The following PIMREG variants were observed in gnomAD, a reference collection of about 807,000 sequenced individuals.
PIMREG encodes the protein protein PIMREG.
In PIMREG, 19 loss-of-function variants were observed where a neutral mutation model predicts 24.3. The observed-to-expected ratio is 0.78, with a 90% CI of 0.54 to 1.15. The LOEUF (loss-of-function observed/expected upper bound fraction) is 1.15. Ranked by LOEUF, PIMREG falls within the 50% of genes most tolerant of loss-of-function variation. The probability of loss-of-function intolerance (pLI) is 0.00; values close to 1 mark genes in which losing one functional copy is unlikely to be tolerated. For missense variants in PIMREG, 283 were observed against 306.8 expected, an observed-to-expected ratio of 0.92 and a Z score of 0.58; for synonymous variants, 112 against 124.1, an observed-to-expected ratio of 0.90 and a Z score of 0.65.
rs527253303 is a variant in PIMREG at position 6,446,173 on chromosome 17, G to A, written c.294+769G>A. The A allele has an allele frequency of 2.6e-4, 105 of 401,244 alleles. No individual in the cohort carries two copies. In the South Asian group the frequency reaches 0.01, roughly 39 times the overall value. 24.9% of individuals were successfully genotyped at this position (401,244 alleles called of 1,614,324 possible). A position where few individuals can be genotyped will look rare whatever the true frequency, so the allele number is the denominator to read the frequency against. ...AAATGAGAGCTGCTGTCAGGAAGACGTCCTTATATTGGATGTAAGTGTCTG... is the reference window on the plus strand; with the variant it reads ...AAATGAGAGCTGCTGTCAGGAAGACATCCTTATATTGGATGTAAGTGTCTG... On this transcript the variant is annotated intron_variant, in intron 2 of 5. Transcript: ENST00000572447.
rs748326651 is a variant in PIMREG, at chr17:6,449,347, G to T, written c.626G>T (p.Gly209Val). 1 of 1,613,384 alleles carries T rather than the reference G, an allele frequency of 6.2e-7. No individual in the cohort carries two copies. ...SDSDLEPVGA[G>V]IQHLQKLSQE... ...AGTGACCTAGAGCCTGTGGGGGCGG[G>T]AATTCAGCATCTCCAGAAGCTGTCC... Residue 209 changes from glycine to valine, a missense_variant, in exon 4 of 6, where the codon GGA becomes GTA. Transcript: ENST00000572447.
At chr17:6,448,301 A>AAAAAAAAAAAAAAAAAG (rs1259419657) in intron 3 of PIMREG, among the ~76,000 whole-genome samples, 16 of 149,212 alleles carry the variant, frequency 1.1e-4, no homozygotes, top group African/African-American at 1.5e-4. Flanking sequence ...AAAAAAAAAA[A>AAAAAAAAAAAAAAAAAG]AGAGAGAGAG....
intron 4 of PIMREG, 57 bp downstream of exon 4, chr17:6,449,464 C>G: frequency 6.7e-7 from 1 of 1,503,424 alleles, no homozygotes; most frequent in East Asian, 2.3e-5. Flanking sequence ...CTCCAGCCAT[C>G]TTTGTAGGCA....
At chr17:6,449,251 G>C in intron 3 of PIMREG, 61 bp from the exon 4 acceptor site, 1 of 1,458,556 alleles carries the variant, frequency 6.9e-7, no homozygotes, top group Non-Finnish European at 9.4e-7. Flanking sequence ...GTACCGGGTT[G>C]CAAGGGTCTC....
At chr17:6,449,206 C>T (rs1410254564) in intron 3 of PIMREG, 106 bp from the exon 4 acceptor site, 29 of 891,468 alleles carry the variant, frequency 3.3e-5, no homozygotes, top group East Asian at 5.3e-5. Flanking sequence ...AAGCCCAGCC[C>T]GCCAGGGTCA....
rs1354825594 is a variant in PIMREG at position 6,444,786 on chromosome 17, A to T, written c.-35-290A>T. Among the ~76,000 whole-genome samples, 1 of 151,914 alleles carries T rather than the reference A, an allele frequency of 6.6e-6. No homozygotes were observed. Among genetic ancestry groups the T allele is most frequent in the Non-Finnish European group, 1.5e-5 (1 of 67,986 alleles). ...CTGGGCCCAGCGCTGAAGCTCGGCT[A>T]CGGCGTGTCTTGACCCTGCCTCCCC... On this transcript the variant is annotated intron_variant, in intron 1 of 5. Coordinates refer to ENST00000572447, the MANE Select transcript of PIMREG (RefSeq NM_019013.3). This position sits in a 1 kb window ranked among gnomAD's most constrained non-coding sequence, Gnocchi z 4.3.
At chr17:6,449,637 C>T in intron 4 of PIMREG, 4 of 1,314,120 alleles carry the variant, frequency 3.0e-6, no homozygotes, top group South Asian at 3.8e-5. Context: ...GCCTTGGGAC[C>T]CCATGTTTGT....
chr17:6,448,257 A>C (rs1267330838), intron 3 of PIMREG, among the ~76,000 whole-genome samples: 1 of 135,690 alleles, frequency 7.4e-6, no homozygotes, highest in Admixed American at 7.8e-5. Context: ...CACTCCAGCC[A>C]GGGCCACAGA....
chr17:6,448,825 G>A (rs1339415245), intron 3 of PIMREG, among the ~76,000 whole-genome samples: 2 of 152,070 alleles, frequency 1.3e-5, no homozygotes, highest in Non-Finnish European at 2.9e-5. Flanking sequence ...CAGGATGCAT[G>A]TAAGTGACCA....
intron 3 of PIMREG, 27 bp downstream of exon 3, chr17:6,447,785 G>A (rs902890418): frequency 1.3e-6 from 2 of 1,562,990 alleles, no homozygotes; most frequent in African/African-American, 2.7e-5. Context: ...TTCACCCCGG[G>A]GCTGGTGGCC....
At chr17:6,449,544 C>A in intron 4 of PIMREG, 137 bp downstream of exon 4, 1 of 1,006,264 alleles carries the variant, frequency 9.9e-7, no homozygotes, top group Non-Finnish European at 1.4e-6. Context: ...CCTCAGTCTC[C>A]CTCATCTCAA....
At chr17:6,449,871 G>A (rs1205521254) in intron 4 of PIMREG, 157 bp from the exon 5 acceptor site, 2 of 1,376,026 alleles carry the variant, frequency 1.5e-6, no homozygotes, top group South Asian at 1.4e-5. Flanking sequence ...TTGTATAATG[G>A]CCATGATGGG....
chr17:6,450,632 T>C lies in PIMREG; in HGVS notation c.*285T>C. 2 of 503,444 alleles carry C rather than the reference T, an allele frequency of 4.0e-6. No individual in the cohort carries two copies. Among genetic ancestry groups the C allele is most frequent in the Non-Finnish European group, 3.5e-6 (1 of 286,370 alleles). 31.2% of individuals were successfully genotyped at this position (503,444 alleles called of 1,614,324 possible). On this transcript the variant is annotated 3_prime_UTR_variant, in exon 6 of 6. Transcript: ENST00000572447. ...GGGGACTCTTGAGCTTAGAAACTCA[T>C]CGTACACTTGACCTTGAGCCTTCTA...
intron 4 of PIMREG, 45 bp downstream of exon 4, chr17:6,449,452 C>T (rs1455950727): frequency 2.6e-6 from 4 of 1,549,052 alleles, no homozygotes; most frequent in Non-Finnish European, 2.6e-6. Flanking sequence ...CCGGGAGGGC[C>T]CCTCCAGCCA....
chr17:6,449,950 T>C, intron 4 of PIMREG, 78 bp from the exon 5 acceptor site: 1 of 1,518,760 alleles, frequency 6.6e-7, no homozygotes, highest in Non-Finnish European at 9.1e-7. Context: ...CCGGGTCTGA[T>C]CTTGTGTAGC....
At chr17:6,446,135 G>A (rs1399822937) in intron 2 of PIMREG, 2 of 401,162 alleles carry the variant, frequency 5.0e-6, no homozygotes, top group African/African-American at 4.1e-5. Flanking sequence ...CCAGTTAGAG[G>A]GGATTTGCTG....
intron 2 of PIMREG, chr17:6,446,261 A>G: frequency 2.5e-6 from 1 of 400,268 alleles, no homozygotes; most frequent in Non-Finnish European, 4.4e-6. Context: ...TCACTTAGAA[A>G]GGACAGAAGC....
At chr17:6,449,159 G>A (rs770642607) in intron 3 of PIMREG, among the ~76,000 whole-genome samples, 153 bp from the exon 4 acceptor site, 7 of 152,178 alleles carry the variant, frequency 4.6e-5, no homozygotes, top group Non-Finnish European at 1.0e-4. Context: ...TCTGTTTGTC[G>A]CTCTGAGGTC....
chr17:6,447,168 A>G (rs570653907), intron 2 of PIMREG, among the ~76,000 whole-genome samples: 34 of 151,678 alleles, frequency 2.2e-4, no homozygotes, highest in East Asian at 3.9e-4. Context: ...CTGGAGTGCC[A>G]TGGTGCGATC....
Sources: allele counts gnomAD v4.1 joint callset (sites outside exome capture counted in the v4.1 genomes callset), GRCh38; gene constraint gnomAD v4.1.1; non-coding constraint Gnocchi (gnomAD v3.1); transcripts MANE v1.5; gene names NCBI Gene and HGNC (gene_info 2026-07-23, HGNC 2026-07-21).